Variants in PCDH9 observed in about 807,000 individuals in gnomAD.
PCDH9 encodes the protein protocadherin-9.
A neutral mutation model predicts 70.6 loss-of-function variants in PCDH9; 24 were observed. That is an observed-to-expected ratio of 0.34 (90% CI 0.25 to 0.48). The LOEUF (loss-of-function observed/expected upper bound fraction) is 0.48, where lower values mean the gene tolerates loss of function less well. Among genes scored for constraint, PCDH9 ranks in the 20% least tolerant of loss-of-function variants. The probability of loss-of-function intolerance (pLI) is 0.99; values close to 1 mark genes in which losing one functional copy is unlikely to be tolerated. For missense variants in PCDH9, 1,281 were observed against 1,503.6 expected, an observed-to-expected ratio of 0.85 and a Z score of 2.45; for synonymous variants, 562 against 558.5, an observed-to-expected ratio of 1.01 and a Z score of -0.09.
chr13:66,356,197 T>C (rs923543992), intron 4 of PCDH9, among the ~76,000 whole-genome samples: 6 of 152,072 alleles, frequency 3.9e-5, no homozygotes, highest in Non-Finnish European at 7.4e-5. Flanking sequence ...GAAAATACAA[T>C]ATGTTTGAAT....
Position 66,524,222 on chromosome 13 carries a change from T to A in PCDH9, c.3340+106988A>T, listed in dbSNP as rs79944103. 4.5e-4 allele frequency among the ~76,000 whole-genome samples: 69 copies of A among 152,270 alleles called. No individual in the cohort carries two copies. The East Asian group carries it at 0.011, about 24-fold the overall frequency. ...AAAAAAGTTGAAAGTACTTTCTGTA[T>A]GAAAACTGTAGCTTAATAATTACAT... On this transcript the variant is annotated intron_variant, in intron 4 of 4. Coordinates refer to ENST00000377865, the MANE Select transcript of PCDH9 (RefSeq NM_203487.3).
At chr13:66,634,692 A>T (rs2077615003) in intron 3 of PCDH9, among the ~76,000 whole-genome samples, 1 of 152,318 alleles carries the variant, frequency 6.6e-6, no homozygotes, top group Non-Finnish European at 1.5e-5. Context: ...GATAGTCAAT[A>T]AAAAGTAGCT....
At chr13:66,493,579 A>G (rs1959067767) in intron 4 of PCDH9, among the ~76,000 whole-genome samples, 1 of 152,174 alleles carries the variant, frequency 6.6e-6, no homozygotes, top group South Asian at 2.1e-4. Flanking sequence ...AAAGCAGAAT[A>G]AATGCAAATA....
intron 3 of PCDH9, among the ~76,000 whole-genome samples, chr13:66,701,619 A>C (rs893207042): frequency 6.6e-6 from 1 of 152,102 alleles, no homozygotes; most frequent in African/African-American, 2.4e-5. Context: ...TTTTAAATGC[A>C]GGTTCACAAG....
At chr13:66,460,404 C>T (rs565747718) in intron 4 of PCDH9, among the ~76,000 whole-genome samples, 1 of 152,010 alleles carries the variant, frequency 6.6e-6, no homozygotes, top group Non-Finnish European at 1.5e-5. Context: ...CCAGTACCTG[C>T]TTACTTAACA....
chr13:67,225,521 C>A lies in PCDH9; in HGVS notation c.2920G>T (p.Val974Phe), dbSNP rs1193884503. ...IQELPLDNTF[V>F]GGCDTLSKRS... ...TTAGAAAGGGTGTCACAACCCCCAACAAAGGTGTTGTCCAAAGGGAGTTCC... is the reference window on the plus strand; with the variant it reads ...TTAGAAAGGGTGTCACAACCCCCAAAAAAGGTGTTGTCCAAAGGGAGTTCC... Residue 974 changes from valine (V) to phenylalanine (F), a missense_variant, in exon 2 of 5, where the codon GTT (valine) becomes TTT (phenylalanine). Around this residue, in one of 4 missense-constraint regions of PCDH9, gnomAD observed 207 missense variants for 191.8 expected, o/e 1.08. Coordinates refer to ENST00000377865, the MANE Select transcript of PCDH9 (RefSeq NM_203487.3). 3 of 1,614,058 alleles carry A rather than the reference C, an allele frequency of 1.9e-6. No individual in the cohort carries two copies. The highest frequency in any genetic ancestry group is 3.3e-5 in the Admixed American group (2 of 60,008).
At chr13:67,174,963 CAAAAAAAAA>C (rs376755966) in intron 2 of PCDH9, among the ~76,000 whole-genome samples, 34 of 127,428 alleles carry the variant, frequency 2.7e-4, no homozygotes, top group African/African-American at 8.1e-4. Context: ...TCATCTCTAC[CAAAAAAAAA>C]AAAAAAAAAA....
chr13:67,152,527 C>T (rs2087688556), intron 2 of PCDH9, among the ~76,000 whole-genome samples: 2 of 152,198 alleles, frequency 1.3e-5, no homozygotes, highest in African/African-American at 4.8e-5. Context: ...CTCAATCTCT[C>T]ATTAAATCGA....
At chr13:67,045,715 G>C (rs2085210256) in intron 2 of PCDH9, among the ~76,000 whole-genome samples, 1 of 152,104 alleles carries the variant, frequency 6.6e-6, no homozygotes, top group African/African-American at 2.4e-5. Context: ...AGTTTTCAAT[G>C]CTCTTATCAT....
rs1254277931 is a variant in PCDH9 at position 67,139,952 on chromosome 13, C to CTGAAAT, written c.3036+85447_3036+85452dup. 2.0e-5 allele frequency among the ~76,000 whole-genome samples: 3 copies of CTGAAAT among 149,920 alleles called. No homozygotes were observed. In the East Asian group the frequency reaches 5.9e-4, roughly 29 times the overall value. ...GACAGGATAGAATAGTTTTCTTTCT[C>CTGAAAT]TGAAATACAACTTCATAGGATAATT... On this transcript the variant is annotated intron_variant, in intron 2 of 4. Coordinates refer to ENST00000377865, the MANE Select transcript of PCDH9 (RefSeq NM_203487.3).
intron 2 of PCDH9, among the ~76,000 whole-genome samples, chr13:67,126,213 A>G (rs1169995977): frequency 6.6e-6 from 1 of 152,162 alleles, no homozygotes; most frequent in Non-Finnish European, 1.5e-5. Context: ...ATTTTAATTT[A>G]ACTATCTTAA....
chr13:66,907,587 G>A (rs984353850), intron 2 of PCDH9, among the ~76,000 whole-genome samples: 1 of 151,958 alleles, frequency 6.6e-6, no homozygotes, highest in African/African-American at 2.4e-5. Flanking sequence ...CACATAATCA[G>A]GTATTTTTAC....
At chr13:66,488,126 T>C (rs1210020709) in intron 4 of PCDH9, among the ~76,000 whole-genome samples, 3 of 152,160 alleles carry the variant, frequency 2.0e-5, no homozygotes, top group African/African-American at 7.2e-5. Context: ...GGAAAATTTG[T>C]GCTGTAACAA....
At chr13:66,830,487 T>C (rs910603694) in intron 3 of PCDH9, among the ~76,000 whole-genome samples, 5 of 152,186 alleles carry the variant, frequency 3.3e-5, no homozygotes, top group African/African-American at 9.7e-5. Context: ...GATGCAACAT[T>C]AATACATGCA....
chr13:66,953,205 C>T (rs116863413), intron 2 of PCDH9, among the ~76,000 whole-genome samples: 4,088 of 145,960 alleles, frequency 0.028, 101 homozygotes, highest in South Asian at 0.043. Context: ...GTCCATATAA[C>T]GTTCCACATG....
At chr13:67,072,196 G>A (rs2085780009) in intron 2 of PCDH9, among the ~76,000 whole-genome samples, 1 of 152,028 alleles carries the variant, frequency 6.6e-6, no homozygotes, top group Admixed American at 6.6e-5. Flanking sequence ...AACCACAGAA[G>A]CAAAAAGGTC....
chr13:66,644,554 T>C (rs1356197986), intron 3 of PCDH9, among the ~76,000 whole-genome samples: 1 of 151,986 alleles, frequency 6.6e-6, no homozygotes, highest in African/African-American at 2.4e-5. Context: ...TTATGTTGAA[T>C]CTTACTTCTA....
intron 4 of PCDH9, among the ~76,000 whole-genome samples, chr13:66,499,763 G>T (rs952105794): frequency 6.6e-6 from 1 of 152,208 alleles, no homozygotes; most frequent in Non-Finnish European, 1.5e-5. Flanking sequence ...TGCTGCAGAT[G>T]GGACTTAGTT....
chr13:66,535,541 C>A (rs935259933), intron 4 of PCDH9, among the ~76,000 whole-genome samples: 3 of 152,074 alleles, frequency 2.0e-5, no homozygotes, highest in African/African-American at 7.2e-5. Context: ...ATCCCAACTA[C>A]AACAATTTAT....
Sources: gnomAD v4.1 joint callset for allele counts (sites outside exome capture counted in the v4.1 genomes callset) on GRCh38, gnomAD v4.1.1 for gene constraint, gnomAD v4.1.1 regional missense constraint, MANE v1.5 for transcripts, NCBI Gene and HGNC (gene_info 2026-07-23, HGNC 2026-07-21) for gene names.